Variants in STOX2 observed in about 807,000 individuals in gnomAD.
STOX2 encodes the protein storkhead box 2.
In STOX2, 28 loss-of-function variants were observed where a neutral mutation model predicts 60.9. The ratio of observed to expected loss-of-function variants is 0.46; its 90% CI spans 0.34 to 0.63. STOX2 has a LOEUF of 0.63. STOX2 is among the 30% of genes least tolerant of loss of function. The pLI is 0.01. For missense variants in STOX2, 1,024 were observed against 1,187.7 expected (o/e 0.86, Z 2.03); for synonymous variants, 472 against 463.9 (o/e 1.02, Z -0.22).
At chr4:183,875,820 C>T (rs1393956192) in intron 1 of STOX2, among the ~76,000 whole-genome samples, 1 of 152,176 alleles carries the variant, frequency 6.6e-6, no homozygotes, top group Non-Finnish European at 1.5e-5. Context: ...CAGGCTCAAG[C>T]GATCCTCCCA....
At chr4:183,987,921 T>C (rs1171686931) in intron 1 of STOX2, 1 of 152,170 alleles carries the variant, frequency 6.6e-6, no homozygotes, top group Non-Finnish European at 1.5e-5. Context: ...AGGTCTCTAA[T>C]TACGGACTGG....
intron 1 of STOX2, among the ~76,000 whole-genome samples, chr4:183,807,130 G>A (rs140409620): frequency 0.015 from 2,216 of 152,074 alleles, 57 homozygotes; most frequent in African/African-American, 0.049. Flanking sequence ...CCACCACCAC[G>A]CCCAGCTAAT....
intron 1 of STOX2, among the ~76,000 whole-genome samples, chr4:184,000,849 T>C (rs901377438): frequency 6.6e-6 from 1 of 152,220 alleles, no homozygotes; most frequent in South Asian, 2.1e-4. Context: ...AAATAGAAAC[T>C]GAGGGCAGAG....
At chr4:183,914,475 C>T (rs1463416630) in intron 1 of STOX2, among the ~76,000 whole-genome samples, 1 of 152,088 alleles carries the variant, frequency 6.6e-6, no homozygotes, top group Non-Finnish European at 1.5e-5. Flanking sequence ...AAAGCTGCAA[C>T]TGATTTTGTT....
intron 1 of STOX2, among the ~76,000 whole-genome samples, chr4:183,917,304 A>G (rs1741960099): frequency 1.3e-5 from 2 of 152,218 alleles, no homozygotes; most frequent in South Asian, 4.1e-4. Flanking sequence ...GGCCCGAAGG[A>G]GCAAACTGAA....
intron 1 of STOX2, among the ~76,000 whole-genome samples, chr4:183,908,568 T>C (rs1741684516): frequency 6.7e-6 from 1 of 149,192 alleles, no homozygotes; most frequent in Non-Finnish European, 1.5e-5. Flanking sequence ...TGTTTCATGA[T>C]TCAGGCACAT....
chr4:183,827,321 G>GA (rs2111116887), intron 1 of STOX2, among the ~76,000 whole-genome samples: 1 of 152,154 alleles, frequency 6.6e-6, no homozygotes, highest in South Asian at 2.1e-4. Flanking sequence ...AACACAGCAA[G>GA]ACCCCAGTCT....
chr4:183,951,426 A>T lies in STOX2; in HGVS notation c.166+44470A>T, dbSNP rs575131348. Among the ~76,000 whole-genome samples, 10 of 139,056 alleles carry T rather than the reference A, an allele frequency of 7.2e-5. No individual in the cohort carries two copies. The South Asian group carries it at 1.9e-3, about 27-fold the overall frequency. 91.2% of individuals were successfully genotyped at this position (139,056 alleles called of 152,430 possible). ...GATATTTTCATCCATGATTTAGAGGACGACAGTCTCTCTCTCTCTTTTTTT... is the reference window on the plus strand; with the variant it reads ...GATATTTTCATCCATGATTTAGAGGTCGACAGTCTCTCTCTCTCTTTTTTT... On this transcript the variant is annotated intron_variant, in intron 1 of 3. Coordinates refer to ENST00000308497, the MANE Select transcript of STOX2 (RefSeq NM_020225.3).
intron 1 of STOX2, among the ~76,000 whole-genome samples, chr4:183,925,686 G>A (rs1742223574): frequency 6.6e-6 from 1 of 152,174 alleles, no homozygotes; most frequent in East Asian, 1.9e-4. Flanking sequence ...ACTAGGACTA[G>A]AATTGCACTA....
chr4:183,937,240 C>T (rs1187098094), intron 1 of STOX2, among the ~76,000 whole-genome samples: 2 of 152,090 alleles, frequency 1.3e-5, no homozygotes, highest in Non-Finnish European at 2.9e-5. Flanking sequence ...CTTTAATGTA[C>T]GTGATACTTC....
intron 1 of STOX2, among the ~76,000 whole-genome samples, chr4:183,933,646 C>T (rs1205162918): frequency 6.6e-6 from 1 of 152,180 alleles, no homozygotes; most frequent in Non-Finnish European, 1.5e-5. Flanking sequence ...GCCTCATCCT[C>T]CCAAAGTGCT....
At chr4:183,860,442 C>CAAAAAAAAAAAAAAAAAAAAGAAAAAAAA (rs35753992) in intron 1 of STOX2, among the ~76,000 whole-genome samples, 1 of 121,506 alleles carries the variant, frequency 8.2e-6, no homozygotes, top group South Asian at 2.8e-4. Flanking sequence ...AAACAAAAAA[C>CAAAAAAAAAAAAAAAAAAAAGAAAAAAAA]AAAAAAAAAA....
intron 1 of STOX2, among the ~76,000 whole-genome samples, chr4:183,812,626 A>G (rs1739061524): frequency 6.6e-6 from 1 of 151,708 alleles, no homozygotes; most frequent in Non-Finnish European, 1.5e-5. Context: ...ACTTGTGAGG[A>G]CTGACTTTTC....
intron 1 of STOX2, among the ~76,000 whole-genome samples, chr4:183,951,158 T>C (rs544689455): frequency 8.2e-5 from 12 of 146,320 alleles, no homozygotes; most frequent in South Asian, 2.2e-4. Flanking sequence ...GAGCTTGCAG[T>C]GAGCCGAGAT....
Position 184,023,154 on chromosome 4 carries a change from A to C in STOX2, c.*5870A>C, listed in dbSNP as rs1416523389. 6.6e-6 allele frequency: 1 copy of C among 152,112 alleles called. No homozygotes were observed. The highest frequency in any genetic ancestry group is 1.5e-5 in the Non-Finnish European group (1 of 68,018). The allele number at this position is 152,112 out of a possible 1,614,324, so 9.4% of individuals were successfully genotyped here. ...CCTTGAATAAAATGTGTTTGCACTG[A>C]AAAAAAATTTTAAATTACTTGGTCT... On this transcript the variant is annotated 3_prime_UTR_variant, in exon 4 of 4. Coordinates refer to ENST00000308497, the MANE Select transcript of STOX2 (RefSeq NM_020225.3).
chr4:183,930,069 T>C (rs1053722616), intron 1 of STOX2, among the ~76,000 whole-genome samples: 1 of 152,018 alleles, frequency 6.6e-6, no homozygotes, highest in African/African-American at 2.4e-5. Context: ...TTCACCGTAT[T>C]AGCCAGGATG....
intron 1 of STOX2, among the ~76,000 whole-genome samples, chr4:183,912,304 C>T (rs888266367): frequency 6.6e-6 from 1 of 152,184 alleles, no homozygotes; most frequent in Admixed American, 6.5e-5. Context: ...TCCCAGTGTT[C>T]CCATCCATCA....
chr4:183,813,489 TA>T (rs1216860039), intron 1 of STOX2, among the ~76,000 whole-genome samples: 2 of 152,134 alleles, frequency 1.3e-5, no homozygotes, highest in Admixed American at 1.3e-4. Flanking sequence ...AGGATGTGAG[TA>T]GGTTATCTGT....
chr4:184,000,382 T>C (rs886198326), intron 1 of STOX2, among the ~76,000 whole-genome samples: 8 of 152,156 alleles, frequency 5.3e-5, no homozygotes, highest in African/African-American at 1.7e-4. Flanking sequence ...CTGGCCCTTT[T>C]AGTGTGCAGG....
Sources: gnomAD v4.1 joint callset for allele counts (sites outside exome capture counted in the v4.1 genomes callset) on GRCh38, gnomAD v4.1.1 for gene constraint, MANE v1.5 for transcripts, NCBI Gene and HGNC (gene_info 2026-07-23, HGNC 2026-07-21) for gene names.